PTPRD: variants seen among roughly 807,000 people sequenced by gnomAD.
PTPRD encodes receptor-type tyrosine-protein phosphatase delta.
A neutral mutation model predicts 214.5 loss-of-function variants in PTPRD; 34 were observed. The ratio of observed to expected loss-of-function variants is 0.16; its 90% CI spans 0.12 to 0.21. The LOEUF (loss-of-function observed/expected upper bound fraction) is 0.21, where lower values mean the gene tolerates loss of function less well. Ranked by LOEUF, PTPRD falls within the 10% of genes least tolerant of loss-of-function variation. PTPRD has a pLI of 1.00. For synonymous variants in PTPRD, 1,128 were observed against 845.7 expected (o/e 1.33, Z -5.79); for missense variants, 2,545 against 2,398.7 (o/e 1.06, Z -1.27).
chr9:8,679,005 A>C (rs537115614), intron 12 of PTPRD, among the ~76,000 whole-genome samples: 75 of 152,358 alleles, frequency 4.9e-4, no homozygotes, highest in Middle Eastern at 6.8e-3. Flanking sequence ...TCAGAAAAAC[A>C]ATCTCAGGAA....
chr9:9,034,529 T>C (rs182825817), intron 10 of PTPRD, among the ~76,000 whole-genome samples: 43 of 152,306 alleles, frequency 2.8e-4, no homozygotes, highest in Admixed American at 1.7e-3. Flanking sequence ...ACATGGGGAA[T>C]AATTCTTATT....
chr9:9,047,925 T>C (rs558867303), intron 10 of PTPRD, among the ~76,000 whole-genome samples: 2 of 151,792 alleles, frequency 1.3e-5, no homozygotes, highest in South Asian at 2.1e-4. Flanking sequence ...AAGGAAACAA[T>C]CAAAAAAGTG....
rs370713494 is a variant in PTPRD at position 9,255,889 on chromosome 9, A to T, written c.-202-72526T>A. Among the ~76,000 whole-genome samples the T allele has an allele frequency of 2.8e-4, 42 of 152,034 alleles. 1 individual carries two copies. Among genetic ancestry groups the T allele is most frequent in the African/African-American group, 1.0e-3 (42 of 41,444 alleles). ...TGTTTGACTTCAGGATTCAGAGAGAATGTTCAAACCTCTGATTCAAAGACC... is the reference window on the plus strand; with the variant it reads ...TGTTTGACTTCAGGATTCAGAGAGATTGTTCAAACCTCTGATTCAAAGACC... On this transcript the variant is annotated intron_variant, in intron 9 of 45. Coordinates refer to ENST00000381196, the MANE Select transcript of PTPRD (RefSeq NM_002839.4).
At chr9:10,294,650 T>A (rs536145141) in intron 3 of PTPRD, among the ~76,000 whole-genome samples, 2 of 152,112 alleles carry the variant, frequency 1.3e-5, no homozygotes, top group African/African-American at 4.8e-5. Flanking sequence ...CCTCAGAGAC[T>A]GTTTAATCTA....
intron 9 of PTPRD, among the ~76,000 whole-genome samples, chr9:9,266,646 T>C (rs1026557148): frequency 6.0e-5 from 9 of 149,844 alleles, no homozygotes; most frequent in Non-Finnish European, 3.0e-5. Context: ...TGTAAATAAG[T>C]AAAAATTAAG....
chr9:10,423,486 C>G lies in PTPRD; in HGVS notation c.-599-82469G>C, dbSNP rs555839260. On this transcript the variant is annotated intron_variant, in intron 2 of 45. Transcript: ENST00000381196. ...AAAGGAAGATTAATACAACTCAGTC[C>G]TTGTTCTAAAGGAGATTATGGTCAC... Among the ~76,000 whole-genome samples, 30 of 151,752 alleles carry G rather than the reference C, an allele frequency of 2.0e-4. No individual in the cohort carries two copies. The South Asian group carries it at 6.0e-3, about 31-fold the overall frequency.
At chr9:9,022,025 C>T (rs939755815) in intron 10 of PTPRD, among the ~76,000 whole-genome samples, 22 of 151,844 alleles carry the variant, frequency 1.4e-4, no homozygotes, top group African/African-American at 3.6e-4. Flanking sequence ...CTAATGCATG[C>T]GGGGCTTAAA....
At chr9:10,346,936 T>C (rs548263512) in intron 2 of PTPRD, among the ~76,000 whole-genome samples, 22 of 152,216 alleles carry the variant, frequency 1.4e-4, no homozygotes, top group Non-Finnish European at 2.4e-4. Context: ...TAAAGAATTA[T>C]AGTTTTATGA....
At chr9:9,727,514 G>A (rs567905194) in intron 7 of PTPRD, among the ~76,000 whole-genome samples, 1 of 152,018 alleles carries the variant, frequency 6.6e-6, no homozygotes, top group African/African-American at 2.4e-5. Flanking sequence ...TCAGATGAGA[G>A]GCTAAAATAA....
rs977236947 is a variant in PTPRD, at chr9:8,816,876, T to C, written c.-103-82930A>G. Among the ~76,000 whole-genome samples the C allele has an allele frequency of 3.3e-5, 5 of 152,210 alleles. No homozygotes were observed. The East Asian group carries it at 7.7e-4, about 23-fold the overall frequency. The stretch of plus-strand genomic sequence containing the variant: ...GATTCTTTCCTCACCTTCTAAGGAA[T>C]ACAACAACAGAATTCTTGCATCTTG... On this transcript the variant is annotated intron_variant, in intron 11 of 45. Coordinates refer to ENST00000381196, the MANE Select transcript of PTPRD (RefSeq NM_002839.4).
chr9:10,556,505 T>C (rs2062636349), intron 2 of PTPRD, among the ~76,000 whole-genome samples: 2 of 152,100 alleles, frequency 1.3e-5, no homozygotes, highest in East Asian at 1.9e-4. Context: ...TAGAAAATAC[T>C]GAGAGTCACG....
intron 2 of PTPRD, among the ~76,000 whole-genome samples, chr9:10,547,969 T>C (rs1277552263): frequency 6.6e-6 from 1 of 152,108 alleles, no homozygotes; most frequent in Non-Finnish European, 1.5e-5. Flanking sequence ...GCTAAAGACA[T>C]GTTTACAAAC....
intron 11 of PTPRD, among the ~76,000 whole-genome samples, chr9:8,851,766 T>C (rs1013348786): frequency 6.6e-6 from 1 of 152,172 alleles, no homozygotes; most frequent in Non-Finnish European, 1.5e-5. Context: ...TTACAGATGA[T>C]GAAACTAAGA....
chr9:8,315,640 A>ATTTTCTTTT lies in PTPRD; in HGVS notation c.*2225_*2233dup. 4.4e-6 allele frequency: 1 copy of ATTTTCTTTT among 227,686 alleles called. No individual in the cohort carries two copies. Among genetic ancestry groups the ATTTTCTTTT allele is most frequent in the Admixed American group, 5.7e-5 (1 of 17,518 alleles). 14.1% of individuals were successfully genotyped at this position (227,686 alleles called of 1,614,324 possible). ...GATACTTTTTTTTAGTATTATATATATTTTCTTTTTTTTCTTTTTCTTTGT... is the reference window on the plus strand; with the variant it reads ...GATACTTTTTTTTAGTATTATATATATTTTCTTTTTTTTCTTTTTTTTCTTTTTCTTTGT... On this transcript the variant is annotated 3_prime_UTR_variant, in exon 46 of 46. Transcript: ENST00000381196.
chr9:8,606,866 G>C (rs2095242901), intron 14 of PTPRD, among the ~76,000 whole-genome samples: 1 of 152,176 alleles, frequency 6.6e-6, no homozygotes, highest in Non-Finnish European at 1.5e-5. Context: ...TCCAGGATCT[G>C]TCACAGTTTT....
At chr9:9,891,023 C>A (rs965692109) in intron 5 of PTPRD, among the ~76,000 whole-genome samples, 1 of 152,002 alleles carries the variant, frequency 6.6e-6, no homozygotes, top group Non-Finnish European at 1.5e-5. Context: ...TGATTTTTTC[C>A]CGTCTATAAA....
intron 8 of PTPRD, among the ~76,000 whole-genome samples, chr9:9,449,185 C>G (rs2091402526): frequency 6.6e-6 from 1 of 151,950 alleles, no homozygotes; most frequent in East Asian, 1.9e-4. Context: ...ACAATAAAAA[C>G]AAAACAGAAC....
At chr9:9,301,291 T>C (rs1462309783) in intron 9 of PTPRD, among the ~76,000 whole-genome samples, 2 of 151,842 alleles carry the variant, frequency 1.3e-5, no homozygotes, top group Middle Eastern at 3.2e-3. Flanking sequence ...TTTCATGCTA[T>C]TTTTAGCCAG....
At chr9:8,581,007 A>G (rs192111683) in intron 14 of PTPRD, among the ~76,000 whole-genome samples, 55 of 152,260 alleles carry the variant, frequency 3.6e-4, no homozygotes, top group African/African-American at 1.2e-3. Context: ...TAGAACTTGT[A>G]TATATTCATA....
Sources: gnomAD v4.1 joint callset for allele counts (sites outside exome capture counted in the v4.1 genomes callset) on GRCh38, gnomAD v4.1.1 for gene constraint, MANE v1.5 for transcripts, NCBI Gene and HGNC (gene_info 2026-07-23, HGNC 2026-07-21) for gene names.